NCKAP5: variants seen among roughly 807,000 people sequenced by gnomAD.
NCKAP5 encodes NCK associated protein 5, also known as nck-associated protein 5.
Under a neutral mutation model 167.0 loss-of-function variants are expected in NCKAP5, and 92 were observed. That is an observed-to-expected ratio of 0.55 (90% confidence interval 0.47 to 0.66). The LOEUF (loss-of-function observed/expected upper bound fraction) is 0.66, where lower values mean the gene tolerates loss of function less well. Among genes scored for constraint, NCKAP5 ranks in the 30% least tolerant of loss-of-function variants. The probability of loss-of-function intolerance (pLI) is 0.00; values close to 1 mark genes in which losing one functional copy is unlikely to be tolerated. For missense variants in NCKAP5, 2,378 were observed against 2,315.0 expected (o/e 1.03, Z -0.56); for synonymous variants, 891 against 877.4 (o/e 1.02, Z -0.27).
At chr2:133,467,588 C>A (rs1187439402) in intron 3 of NCKAP5, among the ~76,000 whole-genome samples, 4 of 150,446 alleles carry the variant, frequency 2.7e-5, no homozygotes, top group East Asian at 2.0e-4. Context: ...AGGAATGGTA[C>A]CAGTTCCTCC....
chr2:133,526,507 G>A lies in NCKAP5; in HGVS notation c.-61-8920C>T, dbSNP rs941910004. Among the ~76,000 whole-genome samples, 6 of 152,288 alleles carry A rather than the reference G, an allele frequency of 3.9e-5. No homozygotes were observed. In the East Asian group the frequency reaches 1.2e-3, roughly 29 times the overall value. On this transcript the variant is annotated intron_variant, in intron 2 of 19. Coordinates refer to ENST00000409261, the MANE Select transcript of NCKAP5 (RefSeq NM_207363.3). ...TTATTGAGCTAACCCTGGAGGACTT[G>A]CCTTTATTGTCATTCCTGGTGTTGC... is the stretch of plus-strand genomic sequence containing the variant.
the NCKAP5 span, among the ~76,000 whole-genome samples, chr2:133,581,470 G>T: frequency 6.6e-6 from 1 of 152,170 alleles, no homozygotes; most frequent in African/African-American, 2.4e-5. Flanking sequence ...CACAGGGCAG[G>T]CATCTGGCCC....
At chr2:132,898,682 T>C (rs920207844) in intron 8 of NCKAP5, among the ~76,000 whole-genome samples, 1 of 152,262 alleles carries the variant, frequency 6.6e-6, no homozygotes, top group African/African-American at 2.4e-5. Context: ...CTACCCCAGA[T>C]ACTTCAGAGC....
intron 6 of NCKAP5, among the ~76,000 whole-genome samples, chr2:133,125,622 A>G (rs1388108943): frequency 6.6e-6 from 1 of 152,230 alleles, no homozygotes; most frequent in Non-Finnish European, 1.5e-5. Flanking sequence ...ATAATAAGAT[A>G]AAGTGGCAGC....
the NCKAP5 span, among the ~76,000 whole-genome samples, chr2:133,579,952 T>A: frequency 1.1e-3 from 162 of 152,324 alleles, 3 homozygotes; most frequent in East Asian, 0.029. Context: ...CATAAATATT[T>A]TTGGCTTTCA....
intron 6 of NCKAP5, among the ~76,000 whole-genome samples, chr2:133,060,591 T>C (rs1289070525): frequency 6.6e-6 from 1 of 152,206 alleles, no homozygotes; most frequent in African/African-American, 2.4e-5. Flanking sequence ...ACTCTAATCC[T>C]TGCCCCCTTT....
At chr2:133,388,234 TTC>T (rs1411528328) in intron 3 of NCKAP5, among the ~76,000 whole-genome samples, 1 of 152,232 alleles carries the variant, frequency 6.6e-6, no homozygotes, top group Non-Finnish European at 1.5e-5. Flanking sequence ...TGGATGTCCT[TTC>T]TGTTTGTTAG....
rs77896326 is a variant in NCKAP5 at position 133,459,935 on chromosome 2, G to T, written c.69+57523C>A. 7.7e-3 allele frequency among the ~76,000 whole-genome samples: 1,172 copies of T among 152,258 alleles called. 16 individuals carry two copies. Among genetic ancestry groups the T allele is most frequent in the African/African-American group, 0.027 (1,107 of 41,546 alleles). ...AAATATCAAGTTCAGTGTTATGTCT[G>T]TTTGATATTTAAAACATTGATAAGT... On this transcript the variant is annotated intron_variant, in intron 3 of 19. Coordinates refer to ENST00000409261, the MANE Select transcript of NCKAP5 (RefSeq NM_207363.3).
chr2:133,363,045 CGT>C (rs1685225696), intron 3 of NCKAP5, among the ~76,000 whole-genome samples: 3 of 151,956 alleles, frequency 2.0e-5, no homozygotes, highest in South Asian at 2.1e-4. Context: ...GGATTACAGG[CGT>C]GAGCCACCGT....
chr2:132,929,094 T>G (rs545389529), intron 8 of NCKAP5, among the ~76,000 whole-genome samples: 1 of 152,300 alleles, frequency 6.6e-6, no homozygotes, highest in South Asian at 2.1e-4. Flanking sequence ...ACTCTCCCTT[T>G]CTACCATGTG....
intron 6 of NCKAP5, among the ~76,000 whole-genome samples, chr2:133,128,580 A>AGTGAT (rs1314347795): frequency 2.0e-5 from 3 of 151,804 alleles, no homozygotes; most frequent in African/African-American, 7.3e-5. Flanking sequence ...GAGAGATTCT[A>AGTGAT]GTGATCTCTC....
chr2:132,923,772 G>A (rs1695626793), intron 8 of NCKAP5, among the ~76,000 whole-genome samples: 1 of 152,032 alleles, frequency 6.6e-6, no homozygotes, highest in Admixed American at 6.5e-5. Flanking sequence ...CTCTTATTTG[G>A]TAGAAAAAGC....
intron 11 of NCKAP5, among the ~76,000 whole-genome samples, chr2:132,834,994 G>T (rs1352532231): frequency 1.3e-5 from 2 of 152,058 alleles, no homozygotes; most frequent in African/African-American, 4.8e-5. Context: ...TTCCTTTAAT[G>T]CCTACTTTGT....
intron 11 of NCKAP5, among the ~76,000 whole-genome samples, chr2:132,806,361 T>C (rs983173514): frequency 7.2e-5 from 11 of 152,170 alleles, no homozygotes; most frequent in Non-Finnish European, 1.3e-4. Flanking sequence ...CTGTTTTCCA[T>C]AGTGGTTGTA....
intron 4 of NCKAP5, among the ~76,000 whole-genome samples, chr2:133,229,178 A>G (rs958382004): frequency 1.3e-5 from 2 of 152,138 alleles, no homozygotes; most frequent in African/African-American, 4.8e-5. Context: ...GTTTTTGTAG[A>G]AAAAAAATAG....
intron 1 of NCKAP5, among the ~76,000 whole-genome samples, chr2:133,566,316 C>G (rs1457040191): frequency 6.6e-6 from 1 of 152,214 alleles, no homozygotes; most frequent in Non-Finnish European, 1.5e-5. Flanking sequence ...AGCACAAACA[C>G]TGAGTATCAG....
chr2:133,127,299 A>T (rs865879259), intron 6 of NCKAP5, among the ~76,000 whole-genome samples: 28 of 152,310 alleles, frequency 1.8e-4, no homozygotes, highest in Middle Eastern at 3.4e-3. Flanking sequence ...CAGTAGGTCT[A>T]CTCAAATTAT....
At chr2:132,686,801 A>G (rs1558920612) in intron 19 of NCKAP5, among the ~76,000 whole-genome samples, 1 of 152,162 alleles carries the variant, frequency 6.6e-6, no homozygotes, top group Non-Finnish European at 1.5e-5. Flanking sequence ...GGTTTCTTTT[A>G]TTTAGAAAGC....
At chr2:132,991,471 G>A (rs1010630477) in intron 7 of NCKAP5, among the ~76,000 whole-genome samples, 8 of 152,162 alleles carry the variant, frequency 5.3e-5, no homozygotes, top group Non-Finnish European at 8.8e-5. Flanking sequence ...TGTCCTTTGA[G>A]AGAATCCATG....
Sources: allele counts gnomAD v4.1 joint callset (sites outside exome capture counted in the v4.1 genomes callset), GRCh38; gene constraint gnomAD v4.1.1; transcripts MANE v1.5; gene names NCBI Gene and HGNC (gene_info 2026-07-23, HGNC 2026-07-21).